SMARCC1: variants seen among roughly 807,000 people sequenced by gnomAD.
SMARCC1 encodes the protein SWI/SNF complex subunit SMARCC1.
In SMARCC1, 43 loss-of-function variants were observed where a neutral mutation model predicts 147.4. The ratio of observed to expected loss-of-function variants is 0.29; its 90% confidence interval spans 0.23 to 0.38. The LOEUF is 0.38. SMARCC1 is among the 10% of genes least tolerant of loss of function. The probability of loss-of-function intolerance (pLI) is 1.00; values close to 1 mark genes in which losing one functional copy is unlikely to be tolerated. For synonymous variants in SMARCC1, 495 were observed against 484.4 expected (o/e 1.02, Z -0.29); for missense variants, 1,119 against 1,381.1 (o/e 0.81, Z 3.01).
intron 25 of SMARCC1, among the ~76,000 whole-genome samples, chr3:47,611,315 C>A (rs553786307): frequency 6.6e-6 from 1 of 152,288 alleles, no homozygotes; most frequent in South Asian, 2.1e-4. Flanking sequence ...TCCAATACAG[C>A]AGTTAGAAGC....
intron 25 of SMARCC1, among the ~76,000 whole-genome samples, chr3:47,620,817 G>T (rs955367438): frequency 5.3e-5 from 8 of 152,166 alleles, no homozygotes; most frequent in Non-Finnish European, 1.2e-4. Context: ...ATGAGATTAA[G>T]TTCTCCTTTC....
At chr3:47,698,982 TGG>T (rs1297845063) in intron 11 of SMARCC1, among the ~76,000 whole-genome samples, 2 of 152,156 alleles carry the variant, frequency 1.3e-5, no homozygotes, top group Non-Finnish European at 2.9e-5. Context: ...AATACCTATG[TGG>T]GGAATAAAAT....
At chr3:47,604,922 A>G (rs575939334) in intron 26 of SMARCC1, among the ~76,000 whole-genome samples, 19 of 152,138 alleles carry the variant, frequency 1.2e-4, no homozygotes, top group South Asian at 4.1e-4. Flanking sequence ...ACTGGTCTTG[A>G]ATTCCTGGCC....
chr3:47,633,998 G>A (rs1395041159), intron 24 of SMARCC1, among the ~76,000 whole-genome samples: 3 of 151,822 alleles, frequency 2.0e-5, no homozygotes, highest in Non-Finnish European at 4.4e-5. Context: ...CCGGACAAAT[G>A]GTGAAAAAGA....
At chr3:47,688,327 T>C (rs1423904807) in intron 13 of SMARCC1, among the ~76,000 whole-genome samples, 1 of 149,796 alleles carries the variant, frequency 6.7e-6, no homozygotes, top group Non-Finnish European at 1.5e-5. Context: ...TTTTTAATCA[T>C]AAGAACAATA....
intron 1 of SMARCC1, 95 bp from the exon 2 acceptor site, chr3:47,773,031 G>A: frequency 9.1e-7 from 1 of 1,104,730 alleles, no homozygotes; most frequent in South Asian, 1.6e-5. Flanking sequence ...CTTACGTTAT[G>A]GGAAATTTAT....
intron 8 of SMARCC1, among the ~76,000 whole-genome samples, chr3:47,713,034 A>C (rs1230740573): frequency 6.6e-6 from 1 of 152,148 alleles, no homozygotes; most frequent in East Asian, 1.9e-4. Context: ...AAAAACAGAA[A>C]AATCTGGGCC....
intron 17 of SMARCC1, among the ~76,000 whole-genome samples, chr3:47,676,037 T>C (rs980169176): frequency 6.6e-5 from 10 of 152,096 alleles, no homozygotes; most frequent in Non-Finnish European, 1.2e-4. Flanking sequence ...TACACTATAC[T>C]TCTAACAAAA....
intron 27 of SMARCC1, 74 bp from the exon 28 acceptor site, chr3:47,588,380 A>G: frequency 1.4e-6 from 2 of 1,394,682 alleles, no homozygotes; most frequent in Non-Finnish European, 2.0e-6. Context: ...ATTCAGTGAA[A>G]AAAAGACACA....
intron 25 of SMARCC1, among the ~76,000 whole-genome samples, chr3:47,613,776 C>T (rs1559625810): frequency 6.6e-6 from 1 of 152,164 alleles, no homozygotes; most frequent in Non-Finnish European, 1.5e-5. Flanking sequence ...TCTGAAGACA[C>T]ATCCTGAGCC....
chr3:47,619,908 G>C (rs987248191), intron 25 of SMARCC1, among the ~76,000 whole-genome samples: 1 of 152,194 alleles, frequency 6.6e-6, no homozygotes, highest in African/African-American at 2.4e-5. Context: ...TACTCATCAT[G>C]AGGAGTTCAA....
At chr3:47,713,118 C>G (rs745787074) in intron 8 of SMARCC1, among the ~76,000 whole-genome samples, 44 of 151,864 alleles carry the variant, frequency 2.9e-4, no homozygotes, top group Non-Finnish European at 4.6e-4. Flanking sequence ...GTCAGGAGAT[C>G]GAGACCATCC....
chr3:47,715,071 T>C (rs2034140171), intron 7 of SMARCC1, among the ~76,000 whole-genome samples: 3 of 152,294 alleles, frequency 2.0e-5, no homozygotes, highest in South Asian at 4.1e-4. Context: ...TCAGTTTCCA[T>C]GTCAGTTTCT....
intron 21 of SMARCC1, among the ~76,000 whole-genome samples, chr3:47,657,813 CA>C (rs377666484): frequency 2.1e-5 from 3 of 144,240 alleles, no homozygotes; most frequent in Non-Finnish European, 1.5e-5. Context: ...AACTCTGTCT[CA>C]AAAAAAAAAG....
chr3:47,736,070 C>T lies in SMARCC1; in HGVS notation c.540G>A (p.Leu180=), dbSNP rs1465226119. 1 of 1,600,646 alleles carries T rather than the reference C, an allele frequency of 6.2e-7. No individual in the cohort carries two copies. The highest frequency in any genetic ancestry group is 2.2e-5 in the East Asian group (1 of 44,648). Residue 180 remains leucine, a synonymous_variant, in exon 5 of 28, where the codon TTG becomes TTA. Transcript: ENST00000254480. ...IYLIPDIDLK[L]ANKLKDIIKR... ...TGATGATATCTTTCAATTTGTTAGC[C>T]AACTTCAGATCAATGTCTGGAATGA...
At chr3:47,746,881 T>C (rs1444314048) in intron 2 of SMARCC1, among the ~76,000 whole-genome samples, 1 of 151,874 alleles carries the variant, frequency 6.6e-6, no homozygotes, top group Non-Finnish European at 1.5e-5. Flanking sequence ...TAGGCATGCA[T>C]GACCACGCCC....
intron 9 of SMARCC1, among the ~76,000 whole-genome samples, chr3:47,707,111 G>C (rs761991996): frequency 1.2e-4 from 19 of 152,008 alleles, no homozygotes; most frequent in Non-Finnish European, 2.9e-5. Flanking sequence ...AGGAGTTCAA[G>C]ACCAACCTCT....
At chr3:47,589,488 T>C (rs995180120) in intron 27 of SMARCC1, among the ~76,000 whole-genome samples, 18 of 152,338 alleles carry the variant, frequency 1.2e-4, no homozygotes, top group African/African-American at 4.8e-5. Context: ...CATTTATGTA[T>C]GGTCCACAGG....
At chr3:47,650,298 A>AATAATTATT (rs770226262) in intron 21 of SMARCC1, among the ~76,000 whole-genome samples, 47 of 141,062 alleles carry the variant, frequency 3.3e-4, no homozygotes, top group African/African-American at 1.1e-3. Context: ...TAATAATAAT[A>AATAATTATT]ATTATTATTA....
Sources: gnomAD v4.1 joint callset for allele counts (sites outside exome capture counted in the v4.1 genomes callset) on GRCh38, gnomAD v4.1.1 for gene constraint, MANE v1.5 for transcripts, NCBI Gene and HGNC (gene_info 2026-07-23, HGNC 2026-07-21) for gene names.